Variants in RECK observed in about 807,000 individuals in gnomAD.
RECK encodes the protein reversion-inducing cysteine-rich protein with Kazal motifs.
RECK carries 69 observed loss-of-function variants against 115.1 expected under a neutral mutation model. The ratio of observed to expected loss-of-function variants is 0.60; its 90% CI spans 0.49 to 0.73. The LOEUF (loss-of-function observed/expected upper bound fraction) is 0.73. Ranked by LOEUF, RECK falls within the 30% of genes least tolerant of loss-of-function variation. The probability of loss-of-function intolerance (pLI) is 0.00; values close to 1 mark genes in which losing one functional copy is unlikely to be tolerated. For synonymous variants in RECK, 414 were observed against 419.7 expected, an observed-to-expected ratio of 0.99 and a Z score of 0.17; for missense variants, 1,047 against 1,203.7, an observed-to-expected ratio of 0.87 and a Z score of 1.93.
chr9:36,102,294 T>C (rs1409362376), intron 12 of RECK, 64 bp downstream of exon 12: 2 of 1,400,540 alleles, frequency 1.4e-6, no homozygotes, highest in Non-Finnish European at 2.0e-6. Flanking sequence ...ACTATTTGTT[T>C]TACTATTTGT....
At chr9:36,069,965 A>G (rs147978290) in intron 6 of RECK, among the ~76,000 whole-genome samples, 1 of 152,360 alleles carries the variant, frequency 6.6e-6, no homozygotes, top group African/African-American at 2.4e-5. Flanking sequence ...GAAAGAAAGT[A>G]ACTATCAATC....
chr9:36,121,585 T>C lies in RECK; in HGVS notation c.2591T>C (p.Met864Thr). The part of the protein sequence containing the change: ...TVLEILQKIR[M>T]HVSVPQCDVF... ...CTGGAAATACTTCAGAAAATCCGCA[T>C]GCACGTGTCTGTCCCACAGTGTGAT... Residue 864 changes from methionine to threonine, a missense_variant, in exon 20 of 21, where the codon ATG becomes ACG. Physicochemically the swap from Met to Thr is moderately conservative, Grantham distance 81. Transcript: ENST00000377966. The C allele has an allele frequency of 6.2e-7, 1 of 1,614,128 alleles. No individual in the cohort carries two copies. Among genetic ancestry groups the C allele is most frequent in the Non-Finnish European group, 8.5e-7 (1 of 1,179,952 alleles).
Position 36,060,141 on chromosome 9 carries a change from A to G in RECK, c.257A>G (p.Asn86Ser). ...ETMVEIWNCM[N>S]SSLPGVFKKS... ...TAGGTTGAAATTTGGAATTGTATGA[A>G]TTCATCTTTGCCAGGTAAGCAATAA... Residue 86 changes from asparagine (N) to serine (S), a missense_variant, in exon 4 of 21, where the codon AAT becomes AGT. Coordinates refer to ENST00000377966, the MANE Select transcript of RECK (RefSeq NM_021111.3). 1 of 1,613,690 alleles carries G rather than the reference A, an allele frequency of 6.2e-7. No homozygotes were observed. The highest frequency in any genetic ancestry group is 8.5e-7 in the Non-Finnish European group (1 of 1,179,738).
chr9:36,092,542 ATT>A (rs71508011), intron 10 of RECK, among the ~76,000 whole-genome samples: 3,647 of 116,972 alleles, frequency 0.031, 131 homozygotes, highest in African/African-American at 0.11. Context: ...CACCCAGCTA[ATT>A]TTTTTTTTTT....
chr9:36,046,264 G>A (rs1424540657), intron 1 of RECK, among the ~76,000 whole-genome samples: 1 of 152,052 alleles, frequency 6.6e-6, no homozygotes, highest in Non-Finnish European at 1.5e-5. Context: ...TTGTTTTGTT[G>A]TATTGTAATA....
chr9:36,067,111 G>T (rs946699923), intron 6 of RECK, among the ~76,000 whole-genome samples: 16 of 152,138 alleles, frequency 1.1e-4, no homozygotes, highest in Middle Eastern at 6.8e-3. Context: ...ATGCAGGAAG[G>T]GTTCTGCATT....
chr9:36,111,393 T>G (rs772925560), intron 15 of RECK, among the ~76,000 whole-genome samples: 3 of 152,216 alleles, frequency 2.0e-5, no homozygotes, highest in Non-Finnish European at 4.4e-5. Context: ...ACCTTCACTC[T>G]TTCTTTTTGT....
chr9:36,123,121 G>A lies in RECK; in HGVS notation c.*76G>A. 3 of 1,206,072 alleles carry A rather than the reference G, an allele frequency of 2.5e-6. No homozygotes were observed. The highest frequency in any genetic ancestry group is 4.6e-5 in the Admixed American group (2 of 43,488). The allele number at this position is 1,206,072 out of a possible 1,614,324, so 74.7% of individuals were successfully genotyped here. A position where few individuals can be genotyped will look rare whatever the true frequency, so the allele number is the denominator to read the frequency against. On this transcript the variant is annotated 3_prime_UTR_variant, in exon 21 of 21. Transcript: ENST00000377966. ...AAAAGACATTCAGGACTGCTGGTTT[G>A]TAGTTGAATATTGGCCAAGGAAAGG...
intron 2 of RECK, among the ~76,000 whole-genome samples, chr9:36,057,889 A>G (rs192746881): frequency 1.1e-4 from 17 of 152,204 alleles, no homozygotes; most frequent in African/African-American, 4.1e-4. Flanking sequence ...GCAGCCAAAA[A>G]ACACATGAAA....
chr9:36,044,220 ATT>A (rs5897625), intron 1 of RECK, among the ~76,000 whole-genome samples: 51 of 141,488 alleles, frequency 3.6e-4, no homozygotes, highest in East Asian at 2.9e-3. Flanking sequence ...ATTTTATTTT[ATT>A]TTTTTTTTTT....
Position 36,083,445 on chromosome 9 carries a change from TCTC to T in RECK, c.523_525del (p.Pro175del). On this transcript the variant is annotated inframe_deletion, in exon 8 of 21. Transcript: ENST00000377966. ...TCAAGCCATTTTTCGAACAGACTCT[TCTC>T]CTGGTCCATCTCAGATAAAAGCAGT... is the stretch of plus-strand genomic sequence containing the variant. 1.2e-6 allele frequency: 2 copies of T among 1,614,096 alleles called. No individual in the cohort carries two copies. The highest frequency in any genetic ancestry group is 1.7e-6 in the Non-Finnish European group (2 of 1,179,968).
chr9:36,100,360 C>A lies in RECK; in HGVS notation c.1115C>A (p.Ala372Glu). 1 of 1,614,026 alleles carries A rather than the reference C, an allele frequency of 6.2e-7. No individual in the cohort carries two copies. The highest frequency in any genetic ancestry group is 8.5e-7 in the Non-Finnish European group (1 of 1,179,974). Residue 372 changes from alanine to glutamate, a missense_variant, in exon 11 of 21, where the codon GCA becomes GAA. Physicochemically the swap from Ala to Glu is moderately radical, Grantham distance 107. Coordinates refer to ENST00000377966, the MANE Select transcript of RECK (RefSeq NM_021111.3). ...RPTELFRSCN[A>E]QSDQGAMNDM... is the part of the protein sequence containing the mutation. ...ACAGAACTTTTCAGGAGTTGTAATG[C>A]ACAGTCAGATCAAGGAGCCATGAAT...
rs774978901 is a variant in RECK, at chr9:36,060,171, G to A, written c.271+16G>A. 4 of 1,611,460 alleles carry A rather than the reference G, an allele frequency of 2.5e-6. No individual in the cohort carries two copies. The Middle Eastern group carries it at 5.0e-4, about 200-fold the overall frequency. Reference sequence around the variant, plus strand: ...TCTTTGCCAGGTAAGCAATAAAAGTGTAACATTTAGCACTTAATTTTAAAA... The same window carrying A: ...TCTTTGCCAGGTAAGCAATAAAAGTATAACATTTAGCACTTAATTTTAAAA... On this transcript the variant is annotated intron_variant, in intron 4 of 20. Coordinates refer to ENST00000377966, the MANE Select transcript of RECK (RefSeq NM_021111.3).
At chr9:36,076,722 T>G (rs907886719) in intron 6 of RECK, among the ~76,000 whole-genome samples, 1 of 152,208 alleles carries the variant, frequency 6.6e-6, no homozygotes, top group African/African-American at 2.4e-5. Flanking sequence ...AAAATAATTT[T>G]TTTAGGATCA....
chr9:36,076,362 T>C (rs1347961630), intron 6 of RECK, among the ~76,000 whole-genome samples: 1 of 152,234 alleles, frequency 6.6e-6, no homozygotes, highest in Non-Finnish European at 1.5e-5. Context: ...GGCTAGAGGT[T>C]GGACCAGCAG....
chr9:36,039,216 T>C (rs768714789), intron 1 of RECK, among the ~76,000 whole-genome samples: 2 of 152,164 alleles, frequency 1.3e-5, no homozygotes, highest in Non-Finnish European at 2.9e-5. Flanking sequence ...TTCCTTATAC[T>C]AAATTCTAGG....
rs1023811546 is a variant in RECK, at chr9:36,097,972, A to T, written c.1086-2359A>T. 2.0e-5 allele frequency among the ~76,000 whole-genome samples: 3 copies of T among 152,212 alleles called. No individual in the cohort carries two copies. The East Asian group carries it at 5.8e-4, about 29-fold the overall frequency. Reference sequence around the variant, plus strand: ...TCTCACTTATATGTGGAATCTAAAAAAATCAAACTCATGGAAGCAGAGAAT... The same window carrying T: ...TCTCACTTATATGTGGAATCTAAAATAATCAAACTCATGGAAGCAGAGAAT... On this transcript the variant is annotated intron_variant, in intron 10 of 20. Coordinates refer to ENST00000377966, the MANE Select transcript of RECK (RefSeq NM_021111.3).
At chr9:36,074,471 C>T (rs757218684) in intron 6 of RECK, among the ~76,000 whole-genome samples, 5 of 152,270 alleles carry the variant, frequency 3.3e-5, no homozygotes, top group Non-Finnish European at 7.4e-5. Flanking sequence ...TACAGTGAGA[C>T]AAGTACATTG....
intron 4 of RECK, among the ~76,000 whole-genome samples, chr9:36,060,858 C>T (rs988940269): frequency 2.0e-5 from 3 of 152,168 alleles, no homozygotes; most frequent in African/African-American, 7.2e-5. Flanking sequence ...ATCTCTGCAT[C>T]CAGGTGCCAT....
Sources: gnomAD v4.1 joint callset for allele counts (sites outside exome capture counted in the v4.1 genomes callset) on GRCh38, gnomAD v4.1.1 for gene constraint, MANE v1.5 for transcripts, NCBI Gene and HGNC (gene_info 2026-07-23, HGNC 2026-07-21) for gene names.